SLC9C1: variants seen among roughly 807,000 people sequenced by gnomAD.
SLC9C1 encodes the protein solute carrier family 9 member C1.
A neutral mutation model predicts 140.9 loss-of-function variants in SLC9C1; 97 were observed. That is an observed-to-expected ratio of 0.69 (90% CI 0.58 to 0.82). SLC9C1 has a LOEUF of 0.82. SLC9C1 is among the 40% of genes least tolerant of loss of function. The probability of loss-of-function intolerance (pLI) is 0.00; values close to 1 mark genes in which losing one functional copy is unlikely to be tolerated. For synonymous variants in SLC9C1, 440 were observed against 442.6 expected, an observed-to-expected ratio of 0.99 and a Z score of 0.07; for missense variants, 1,340 against 1,389.3, an observed-to-expected ratio of 0.96 and a Z score of 0.56.
chr3:112,142,154 A>G (rs1303393548), intron 28 of SLC9C1, among the ~76,000 whole-genome samples: 1 of 152,086 alleles, frequency 6.6e-6, no homozygotes, highest in African/African-American at 2.4e-5. Flanking sequence ...AGTTGTTTTT[A>G]CTCTTCTACC....
chr3:112,264,603 T>G (rs2079867831), intron 8 of SLC9C1, among the ~76,000 whole-genome samples: 1 of 151,950 alleles, frequency 6.6e-6, no homozygotes, highest in South Asian at 2.1e-4. Context: ...TAAATTTTAG[T>G]CTCAGTATGG....
At chr3:112,167,441 A>G (rs1000914829) in intron 25 of SLC9C1, 94 bp from the exon 26 acceptor site, 15 of 1,270,908 alleles carry the variant, frequency 1.2e-5, no homozygotes, top group Non-Finnish European at 1.4e-5. Context: ...TTCTCTAGGT[A>G]TCTGGGAAAA....
At chr3:112,180,097 A>T (rs1000984619) in intron 22 of SLC9C1, among the ~76,000 whole-genome samples, 1 of 152,256 alleles carries the variant, frequency 6.6e-6, no homozygotes, top group Non-Finnish European at 1.5e-5. Context: ...GTGTCTGAAC[A>T]TGAAAATTTA....
At chr3:112,277,669 A>T in intron 5 of SLC9C1, 26 bp downstream of exon 5, 1 of 1,472,860 alleles carries the variant, frequency 6.8e-7, no homozygotes, top group South Asian at 1.5e-5. Flanking sequence ...TATTATAAAT[A>T]TAGAAAAAGA....
At chr3:112,159,278 T>C (rs2075218088) in intron 26 of SLC9C1, among the ~76,000 whole-genome samples, 2 of 151,972 alleles carry the variant, frequency 1.3e-5, no homozygotes, top group Admixed American at 1.3e-4. Flanking sequence ...AGGTGCAAGT[T>C]TTTTTAAATT....
chr3:112,150,924 G>A (rs955260327), intron 28 of SLC9C1, among the ~76,000 whole-genome samples: 7 of 147,744 alleles, frequency 4.7e-5, no homozygotes, highest in Non-Finnish European at 8.9e-5. Context: ...TGCAACCTCC[G>A]CCGCCCAGGT....
intron 15 of SLC9C1, among the ~76,000 whole-genome samples, chr3:112,213,940 T>C (rs1040112921): frequency 6.6e-6 from 1 of 152,154 alleles, no homozygotes; most frequent in Non-Finnish European, 1.5e-5. Context: ...TATTCCAAAA[T>C]TGACCACATA....
chr3:112,179,709 G>A lies in SLC9C1; in HGVS notation c.2749-8C>T. The A allele has an allele frequency of 1.3e-6, 2 of 1,572,652 alleles. No individual in the cohort carries two copies. Among genetic ancestry groups the A allele is most frequent in the Admixed American group, 2.0e-5 (1 of 50,156 alleles). ...TGGCTTTGATTTTTCAAGCTGTTCA[G>A]GAACAAAGAAAGAGAAAAATACATA... On this transcript the variant is annotated splice_region_variant and splice_polypyrimidine_tract_variant and intron_variant, in intron 22 of 28. Coordinates refer to ENST00000305815, the MANE Select transcript of SLC9C1 (RefSeq NM_183061.3).
chr3:112,143,865 A>G (rs954766527), intron 28 of SLC9C1, among the ~76,000 whole-genome samples: 1 of 152,134 alleles, frequency 6.6e-6, no homozygotes, highest in Non-Finnish European at 1.5e-5. Flanking sequence ...TTATGGTTTG[A>G]GGTCTTACAT....
chr3:112,183,385 A>G lies in SLC9C1; in HGVS notation c.2524-1127T>C, dbSNP rs527860691. Among the ~76,000 whole-genome samples the G allele has an allele frequency of 2.6e-4, 20 of 78,302 alleles. No homozygotes were observed. In the East Asian group the frequency reaches 4.6e-3, roughly 18 times the overall value. 51.4% of individuals were successfully genotyped at this position (78,302 alleles called of 152,430 possible). On this transcript the variant is annotated intron_variant, in intron 20 of 28. Transcript: ENST00000305815. ...TTTTTTTTTTTCAGCCAATCACAAA[A>G]AACAGACTTTATTGAAGTATTTAGC... is the stretch of plus-strand genomic sequence containing the variant.
intron 15 of SLC9C1, among the ~76,000 whole-genome samples, chr3:112,210,871 AT>A (rs199902465): frequency 3.3e-5 from 5 of 151,920 alleles, no homozygotes; most frequent in Non-Finnish European, 7.4e-5. Flanking sequence ...AAAACCCTTT[AT>A]TTTTTTTAAA....
chr3:112,169,132 A>C, intron 24 of SLC9C1, 65 bp downstream of exon 24: 1 of 1,581,922 alleles, frequency 6.3e-7, no homozygotes, highest in Non-Finnish European at 8.6e-7. Flanking sequence ...TAAATAGTCA[A>C]TTATAATGTT....
Position 112,244,061 on chromosome 3 carries a change from C to G in SLC9C1, c.1213G>C (p.Val405Leu). Residue 405 changes from valine to leucine, a missense_variant, in exon 11 of 29, where the codon GTG becomes CTG. Val to Leu is a conservative substitution (Grantham distance 32). Coordinates refer to ENST00000305815, the MANE Select transcript of SLC9C1 (RefSeq NM_183061.3). The stretch of plus-strand genomic sequence containing the variant: ...ACAAGGGTTATTAGGCATACTAACA[C>G]TCCATGAAATAATATCTAGAATTGA... ...KEKSQILFHG[V>L]LVCLITLVVN... 6.3e-7 allele frequency: 1 copy of G among 1,599,330 alleles called. No homozygotes were observed. Among genetic ancestry groups the G allele is most frequent in the Non-Finnish European group, 8.5e-7 (1 of 1,172,504 alleles).
chr3:112,263,536 A>G lies in SLC9C1; in HGVS notation c.1023-438T>C, dbSNP rs187039826. ...GGCCAGATTTTTTTTTCCTTCAGTC[A>G]TATATCATTCCTATGTTTTACACTA... On this transcript the variant is annotated intron_variant, in intron 9 of 28. Transcript: ENST00000305815. 1.0e-3 allele frequency among the ~76,000 whole-genome samples: 153 copies of G among 151,740 alleles called. 2 individuals are homozygous for G. In the East Asian group the frequency reaches 0.012, roughly 12 times the overall value.
At chr3:112,168,841 A>T (rs776726354) in intron 25 of SLC9C1, 36 bp downstream of exon 25, 1 of 1,509,648 alleles carries the variant, frequency 6.6e-7, no homozygotes, top group Non-Finnish European at 8.9e-7. Flanking sequence ...GACATATGGC[A>T]TATTGATCTG....
At chr3:112,154,135 G>A (rs1277964200) in intron 27 of SLC9C1, among the ~76,000 whole-genome samples, 8 of 152,056 alleles carry the variant, frequency 5.3e-5, no homozygotes, top group Admixed American at 5.2e-4. Flanking sequence ...GAACAAATAG[G>A]CTTAATGGAT....
At chr3:112,253,850 C>T (rs1266726523) in intron 10 of SLC9C1, among the ~76,000 whole-genome samples, 1 of 152,078 alleles carries the variant, frequency 6.6e-6, no homozygotes, top group Non-Finnish European at 1.5e-5. Context: ...AGAAGAATGG[C>T]AAAACCAATC....
intron 12 of SLC9C1, among the ~76,000 whole-genome samples, chr3:112,232,433 T>C (rs2078853669): frequency 6.6e-6 from 1 of 152,210 alleles, no homozygotes; most frequent in East Asian, 1.9e-4. Flanking sequence ...TGGAAGCTAC[T>C]AGAGAAATCT....
chr3:112,231,457 C>T lies in SLC9C1; in HGVS notation c.1476G>A (p.Gln492=). The T allele has an allele frequency of 6.2e-7, 1 of 1,612,298 alleles. No homozygotes were observed. Among genetic ancestry groups the T allele is most frequent in the South Asian group, 1.1e-5 (1 of 90,842 alleles). The change falls in exon 13 of 29, where the codon CAG becomes CAA. Residue 492 remains glutamine, a synonymous_variant. Transcript: ENST00000305815. The stretch of plus-strand genomic sequence containing the variant: ...TGTTACAGTGTGGACATTTCACCTT[C>T]TGATGTTCTGTTGTTTCTTCTTCGT... ...MLNEEETTEH[Q]KVKCPHCNKE... is the part of the protein sequence containing the mutation.
Sources: gnomAD v4.1 joint callset for allele counts (sites outside exome capture counted in the v4.1 genomes callset) on GRCh38, gnomAD v4.1.1 for gene constraint, MANE v1.5 for transcripts, NCBI Gene and HGNC (gene_info 2026-07-23, HGNC 2026-07-21) for gene names.